DCHS2: variants seen among roughly 807,000 people sequenced by gnomAD.
The protein encoded by DCHS2 is dachsous cadherin-related 2.
DCHS2 carries 142 observed loss-of-function variants against 182.4 expected under a neutral mutation model. The ratio of observed to expected loss-of-function variants is 0.78; its 90% CI spans 0.68 to 0.89. The LOEUF (loss-of-function observed/expected upper bound fraction) is 0.89, where lower values mean the gene tolerates loss of function less well. Among genes scored for constraint, DCHS2 ranks in the 40% least tolerant of loss-of-function variants. The pLI, the probability that DCHS2 is intolerant of heterozygous loss-of-function variation, is 0.00. For missense variants in DCHS2, 4,319 were observed against 4,198.6 expected (o/e 1.03, Z -0.79); for synonymous variants, 1,740 against 1,663.3 (o/e 1.05, Z -1.12).
chr4:154,252,328 TTTAG>T (rs1218110746), intron 16 of DCHS2, among the ~76,000 whole-genome samples: 1 of 152,204 alleles, frequency 6.6e-6, no homozygotes, highest in Non-Finnish European at 1.5e-5. Context: ...ATCCAAATCT[TTTAG>T]TTATTTTTAA....
At chr4:154,324,730 A>G (rs1736209841) in intron 7 of DCHS2, among the ~76,000 whole-genome samples, 1 of 152,228 alleles carries the variant, frequency 6.6e-6, no homozygotes, top group Admixed American at 6.5e-5. Context: ...TTAGGGACAT[A>G]AAAGCAAATA....
chr4:154,276,773 C>T (rs1213406833), intron 13 of DCHS2, among the ~76,000 whole-genome samples: 2 of 152,206 alleles, frequency 1.3e-5, no homozygotes, highest in African/African-American at 2.4e-5. Context: ...AAAAAGCCTT[C>T]ATGAGAACTG....
chr4:154,289,528 A>G (rs1280092578), intron 13 of DCHS2, among the ~76,000 whole-genome samples: 1 of 152,028 alleles, frequency 6.6e-6, no homozygotes, highest in East Asian at 1.9e-4. Flanking sequence ...ACTAACACCT[A>G]TCACACTCAA....
intron 3 of DCHS2, among the ~76,000 whole-genome samples, chr4:154,337,465 A>C (rs927057624): frequency 6.6e-6 from 1 of 152,112 alleles, no homozygotes; most frequent in African/African-American, 2.4e-5. Flanking sequence ...AAATCTAGAC[A>C]CATCGATGGC....
chr4:154,480,954 C>T (rs1735897760), intron 1 of DCHS2, among the ~76,000 whole-genome samples: 1 of 152,220 alleles, frequency 6.6e-6, no homozygotes, highest in Admixed American at 6.5e-5. Flanking sequence ...AATATGTTAA[C>T]AATTATTTTA....
intron 1 of DCHS2, among the ~76,000 whole-genome samples, chr4:154,412,644 A>G (rs983107744): frequency 2.0e-5 from 3 of 152,222 alleles, no homozygotes; most frequent in Admixed American, 6.5e-5. Flanking sequence ...ACATAGCTTT[A>G]TAGGACTAAA....
chr4:154,284,248 C>A (rs141892953), intron 13 of DCHS2, among the ~76,000 whole-genome samples: 2 of 152,108 alleles, frequency 1.3e-5, no homozygotes, highest in African/African-American at 2.4e-5. Flanking sequence ...AAACAATAGA[C>A]GCCAATTAAA....
chr4:154,378,512 G>GGAAGGAAA (rs1236551978), intron 1 of DCHS2, among the ~76,000 whole-genome samples: 7 of 56,948 alleles, frequency 1.2e-4, no homozygotes, highest in African/African-American at 3.1e-4. Flanking sequence ...AAGGAAGGAA[G>GGAAGGAAA]GAAGGAAAGA....
rs761928663 is a variant in DCHS2 at position 154,298,211 on chromosome 4, C to G, written c.6103G>C (p.Asp2035His). The G allele has an allele frequency of 6.2e-7, 1 of 1,614,112 alleles. No individual in the cohort carries two copies. The highest frequency in any genetic ancestry group is 1.7e-5 in the Admixed American group (1 of 60,014). The change falls in exon 13 of 20, where the codon GAT (aspartate) becomes CAT (histidine). Residue 2035 changes from aspartate to histidine, a missense_variant. Transcript: ENST00000357232. ...KVYVTDVNDN[D>H]PVLEQNPFDV... ...AAAGGGTTCTGTTCCAAAACTGGAT[C>G]ATTGTCATTAACATCAGTGACATAT...
Position 154,240,489 on chromosome 4 carries a change from T to A in DCHS2, c.7359+48A>T, listed in dbSNP as rs765131900. 23 of 1,591,288 alleles carry A rather than the reference T, an allele frequency of 1.4e-5. No homozygotes were observed. In the South Asian group the frequency reaches 2.4e-4, roughly 17 times the overall value. ...GATGGAAGACTTACATTATTCTCTA[T>A]TCTTTCTAGTTTTGGCTTTGGTTTC... On this transcript the variant is annotated intron_variant, in intron 18 of 19. Coordinates refer to ENST00000357232, the MANE Select transcript of DCHS2 (RefSeq NM_001358235.2).
At chr4:154,294,446 T>A (rs1156385277) in intron 13 of DCHS2, among the ~76,000 whole-genome samples, 1 of 152,162 alleles carries the variant, frequency 6.6e-6, no homozygotes, top group Non-Finnish European at 1.5e-5. Context: ...TCTTGATGCT[T>A]GATCTAATAT....
In DCHS2 at chr4:154,320,642, G is replaced by C. The variant is rs774041400; in HGVS notation, c.4757C>G (p.Thr1586Arg). ...DRESIPTVIL[T>R]VTASDQAVNV... ...CACAGCCTGATCAGATGCTGTTACT[G>C]TCAGGATGACAGTTGGAATGCTTTC... Residue 1586 changes from threonine to arginine, a missense_variant, in exon 9 of 20, where the codon ACA (threonine) becomes AGA (arginine). Coordinates refer to ENST00000357232, the MANE Select transcript of DCHS2 (RefSeq NM_001358235.2). 6.2e-7 allele frequency: 1 copy of C among 1,614,150 alleles called. No homozygotes were observed. Among genetic ancestry groups the C allele is most frequent in the Non-Finnish European group, 8.5e-7 (1 of 1,180,024 alleles).
At chr4:154,446,020 T>C (rs1011323146) in intron 1 of DCHS2, among the ~76,000 whole-genome samples, 1 of 152,190 alleles carries the variant, frequency 6.6e-6, no homozygotes, top group African/African-American at 2.4e-5. Context: ...AGAATATTCC[T>C]TGGAGAACTT....
At chr4:154,294,681 C>A (rs192760969) in intron 13 of DCHS2, among the ~76,000 whole-genome samples, 18 of 152,190 alleles carry the variant, frequency 1.2e-4, no homozygotes, top group African/African-American at 4.3e-4. Flanking sequence ...CAGTGTTATG[C>A]AAAATCATCA....
At chr4:154,450,929 G>T (rs1734506602) in intron 1 of DCHS2, among the ~76,000 whole-genome samples, 3 of 152,188 alleles carry the variant, frequency 2.0e-5, no homozygotes, top group African/African-American at 7.2e-5. Flanking sequence ...TAAGGTGAAA[G>T]ATAATTTGTT....
rs1177123947 is a variant in DCHS2 at position 154,242,722 on chromosome 4, G to A, written c.6992C>T (p.Thr2331Ile). Residue 2331 changes from threonine to isoleucine, a missense_variant, in exon 17 of 20, where the codon ACT becomes ATT. Coordinates refer to ENST00000357232, the MANE Select transcript of DCHS2 (RefSeq NM_001358235.2). ...ATCAGTCACCTGTACCTTGATTACA[G>A]TCGTATTAGAAAGCCTGGGCATCCC... ...DKGMPRLSNT[T>I]VIKVQVTDIN... 1 of 1,612,914 alleles carries A rather than the reference G, an allele frequency of 6.2e-7. No homozygotes were observed. Among genetic ancestry groups the A allele is most frequent in the Admixed American group, 1.7e-5 (1 of 59,934 alleles).
Position 154,491,322 on chromosome 4 carries a change from G to C in DCHS2, c.34C>G (p.Arg12Gly). ...CCGACCGGAGCCCGCCGCTGCTGAC[G>C]CCCTTCGCCCATCTTCCGCCCACAA... The part of the protein sequence containing the change: ...SPCGRKMGEG[R>G]QQRRAPVGKL... The change falls in exon 1 of 20, where the codon CGT (arginine) becomes GGT (glycine). Residue 12 changes from arginine (R) to glycine (G), a missense_variant. Arg to Gly is a moderately radical substitution (Grantham distance 125). Coordinates refer to ENST00000357232, the MANE Select transcript of DCHS2 (RefSeq NM_001358235.2). The C allele has an allele frequency of 1.3e-6, 2 of 1,545,306 alleles. No individual in the cohort carries two copies. The highest frequency in any genetic ancestry group is 8.7e-7 in the Non-Finnish European group (1 of 1,142,860).
chr4:154,397,396 G>A (rs952493659), intron 1 of DCHS2, among the ~76,000 whole-genome samples: 1 of 152,188 alleles, frequency 6.6e-6, no homozygotes, highest in Non-Finnish European at 1.5e-5. Flanking sequence ...TACCTATTCT[G>A]TATTTGAAAA....
At chr4:154,240,422 C>T (rs1731752695) in intron 18 of DCHS2, 115 bp downstream of exon 18, 1 of 1,309,900 alleles carries the variant, frequency 7.6e-7, no homozygotes, top group Non-Finnish European at 1.0e-6. Flanking sequence ...AACTTAGGCA[C>T]TACAAACAGT....
Sources: gnomAD v4.1 joint callset for allele counts (sites outside exome capture counted in the v4.1 genomes callset) on GRCh38, gnomAD v4.1.1 for gene constraint, MANE v1.5 for transcripts, NCBI Gene and HGNC (gene_info 2026-07-23, HGNC 2026-07-21) for gene names.